CLINT1: variants seen among roughly 807,000 people sequenced by gnomAD.
CLINT1 encodes clathrin interactor 1, also known as clathrin interacting protein localized in the trans-Golgi region.
In CLINT1, 15 loss-of-function variants were observed where a neutral mutation model predicts 70.4. The observed-to-expected ratio is 0.21, with a 90% confidence interval of 0.14 to 0.33. CLINT1 has a LOEUF of 0.33. Ranked by LOEUF, CLINT1 falls within the 10% of genes least tolerant of loss-of-function variation. The pLI, the probability that CLINT1 is intolerant of heterozygous loss-of-function variation, is 1.00. For missense variants in CLINT1, 615 were observed against 778.1 expected, an observed-to-expected ratio of 0.79 and a Z score of 2.49; for synonymous variants, 227 against 254.7, an observed-to-expected ratio of 0.89 and a Z score of 1.04.
At chr5:157,828,780 C>T (rs1388695359) in intron 1 of CLINT1, among the ~76,000 whole-genome samples, 1 of 151,766 alleles carries the variant, frequency 6.6e-6, no homozygotes, top group African/African-American at 2.4e-5. Context: ...TATCAGTGCA[C>T]CACCTGCATA....
chr5:157,837,707 G>C (rs983337321), intron 1 of CLINT1, among the ~76,000 whole-genome samples: 6 of 145,840 alleles, frequency 4.1e-5, no homozygotes, highest in Non-Finnish European at 8.9e-5. Flanking sequence ...ACAGTGGCGT[G>C]ATCTTGGCTC....
chr5:157,846,841 T>C (rs993998807), intron 1 of CLINT1, among the ~76,000 whole-genome samples: 1 of 152,210 alleles, frequency 6.6e-6, no homozygotes, highest in Non-Finnish European at 1.5e-5. Flanking sequence ...GCTTGTGCTA[T>C]AGAAATAGAA....
chr5:157,826,621 T>TA (rs1763049027), intron 1 of CLINT1, among the ~76,000 whole-genome samples: 1 of 148,372 alleles, frequency 6.7e-6, no homozygotes, highest in African/African-American at 2.4e-5. Flanking sequence ...CCAAGTGACA[T>TA]GTTTCCATAC....
chr5:157,836,018 T>G (rs1030857325), intron 1 of CLINT1, among the ~76,000 whole-genome samples: 2 of 152,228 alleles, frequency 1.3e-5, no homozygotes, highest in Admixed American at 6.5e-5. Flanking sequence ...TAGACAATTT[T>G]CACTTTTCTG....
In CLINT1 at chr5:157,855,279, C is replaced by G. The variant is rs181124808; in HGVS notation, c.41+3651G>C. 2.7e-3 allele frequency among the ~76,000 whole-genome samples: 404 copies of G among 151,932 alleles called. 1 individual carries two copies. The highest frequency in any genetic ancestry group is 3.9e-3 in the Non-Finnish European group (266 of 67,960). On this transcript the variant is annotated intron_variant, in intron 1 of 11. Transcript: ENST00000411809. ...CAGTTTTGATCTACCACTACCATGT[C>G]ACCTTCATTACATTCCTCAAATCTA...
rs2270809 is a variant in CLINT1, at chr5:157,809,869, T to C, written c.518-64A>G. 334 of 1,442,686 alleles carry C rather than the reference T, an allele frequency of 2.3e-4. 2 individuals are homozygous for C. In the East Asian group the frequency reaches 8.0e-3, roughly 34 times the overall value. The allele number at this position is 1,442,686 out of a possible 1,614,324, so 89.4% of individuals were successfully genotyped here. A position where few individuals can be genotyped will look rare whatever the true frequency, so the allele number is the denominator to read the frequency against. ...ATTAAATTCAAAAGGTATCTACAAG[T>C]CCTTATTTCTCAGGCTTTTCCTCAT... is the stretch of plus-strand genomic sequence containing the variant. On this transcript the variant is annotated intron_variant, in intron 5 of 11. Coordinates refer to ENST00000411809, the MANE Select transcript of CLINT1 (RefSeq NM_014666.4).
Position 157,789,350 on chromosome 5 carries a change from T to C in CLINT1, c.1531+13A>G. ...AAGTACACAAAGAAGTGGGACGTCT[T>C]AAGGTAACTTACTCTGTTGCTGAAT... On this transcript the variant is annotated intron_variant, in intron 11 of 11. Coordinates refer to ENST00000411809, the MANE Select transcript of CLINT1 (RefSeq NM_014666.4). 1 of 1,612,846 alleles carries C rather than the reference T, an allele frequency of 6.2e-7. No individual in the cohort carries two copies. The highest frequency in any genetic ancestry group is 8.5e-7 in the Non-Finnish European group (1 of 1,178,846).
Position 157,813,203 on chromosome 5 carries a change from A to T in CLINT1, c.377T>A (p.Ile126Lys), listed in dbSNP as rs1420462417. The change falls in exon 5 of 12, where the codon ATA (isoleucine) becomes AAA (lysine). Residue 126 changes from isoleucine to lysine, a missense_variant. Physicochemically the swap from Ile to Lys is moderately radical, Grantham distance 102. Transcript: ENST00000411809. Reference protein sequence around the residue: ...FVDEHGKDQGINIRQKVKELV... With the variant: ...FVDEHGKDQGKNIRQKVKELV... ...TTCCTTCACCTTCTGTCGAATATTT[A>T]TACCTTGATCCTTACCATGCTCATC... The T allele has an allele frequency of 1.9e-6, 3 of 1,613,296 alleles. No individual in the cohort carries two copies. In the Admixed American group the frequency reaches 5.0e-5, roughly 27 times the overall value.
intron 1 of CLINT1, among the ~76,000 whole-genome samples, chr5:157,841,530 C>T (rs1044821124): frequency 2.0e-5 from 3 of 150,774 alleles, no homozygotes; most frequent in Non-Finnish European, 3.0e-5. Context: ...TGTACCACTG[C>T]ATTGCAGCCT....
At chr5:157,840,546 C>T (rs538833695) in intron 1 of CLINT1, among the ~76,000 whole-genome samples, 14 of 146,522 alleles carry the variant, frequency 9.6e-5, no homozygotes, top group African/African-American at 3.3e-4. Context: ...ATATAATCTA[C>T]TTTCAAATGG....
At chr5:157,854,401 T>C (rs1186995) in intron 1 of CLINT1, among the ~76,000 whole-genome samples, 2,989 of 152,100 alleles carry the variant, frequency 0.02, 39 homozygotes, top group South Asian at 0.041. Context: ...CTGGGCAACA[T>C]AGCAAGAACC....
At chr5:157,798,417 T>C (rs185752874) in intron 8 of CLINT1, among the ~76,000 whole-genome samples, 1 of 152,328 alleles carries the variant, frequency 6.6e-6, no homozygotes, top group East Asian at 1.9e-4. Context: ...GCTGGGAACA[T>C]GTATTTCCCA....
chr5:157,854,747 T>A (rs1054514524), intron 1 of CLINT1, among the ~76,000 whole-genome samples: 1 of 152,140 alleles, frequency 6.6e-6, no homozygotes, highest in East Asian at 1.9e-4. Context: ...AATCAACTTA[T>A]GAGGGAAAAT....
intron 4 of CLINT1, among the ~76,000 whole-genome samples, chr5:157,813,887 C>T (rs182833188): frequency 6.6e-6 from 1 of 152,292 alleles, no homozygotes; most frequent in African/African-American, 2.4e-5. Flanking sequence ...CCTTTTCTTC[C>T]CATATGATTA....
chr5:157,814,038 A>C, intron 4 of CLINT1, 147 bp downstream of exon 4: 31 of 597,734 alleles, frequency 5.2e-5, no homozygotes, highest in Non-Finnish European at 5.7e-5. Flanking sequence ...TTAATACTCT[A>C]GGGCCCCACG....
intron 6 of CLINT1, 117 bp downstream of exon 6, chr5:157,809,511 A>G: frequency 1.4e-6 from 1 of 728,860 alleles, no homozygotes. Flanking sequence ...AAAAAAAAAA[A>G]AGGCCCAATT....
chr5:157,809,584 T>G (rs571114771), intron 6 of CLINT1, 44 bp downstream of exon 6: 1 of 1,509,106 alleles, frequency 6.6e-7, no homozygotes, highest in South Asian at 1.3e-5. Context: ...GGCATAAATT[T>G]AGGGCTCTTT....
chr5:157,830,853 C>T (rs986799715), intron 1 of CLINT1, among the ~76,000 whole-genome samples: 2 of 148,502 alleles, frequency 1.3e-5, no homozygotes, highest in African/African-American at 5.0e-5. Context: ...AGTGAGACCT[C>T]CATCTCTACA....
chr5:157,800,364 G>T (rs1400625686), intron 8 of CLINT1, among the ~76,000 whole-genome samples: 1 of 151,992 alleles, frequency 6.6e-6, no homozygotes, highest in African/African-American at 2.4e-5. Context: ...TATAAATATG[G>T]GCACATCTGG....
Sources: allele counts gnomAD v4.1 joint callset (sites outside exome capture counted in the v4.1 genomes callset), GRCh38; gene constraint gnomAD v4.1.1; transcripts MANE v1.5; gene names NCBI Gene and HGNC (gene_info 2026-07-23, HGNC 2026-07-21).